The following FAM20B variants were observed in gnomAD, a reference collection of about 807,000 sequenced individuals.
FAM20B encodes the protein FAM20B glycosaminoglycan xylosylkinase, also known as glycosaminoglycan xylosylkinase.
Under a neutral mutation model 43.8 loss-of-function variants are expected in FAM20B, and 23 were observed. That is an observed-to-expected ratio of 0.53 (90% CI 0.38 to 0.74). FAM20B has a LOEUF of 0.74. Among genes scored for constraint, FAM20B ranks in the 30% least tolerant of loss-of-function variants. FAM20B has a pLI of 0.00. For missense variants in FAM20B, 440 were observed against 510.5 expected (o/e 0.86, Z 1.33); for synonymous variants, 178 against 192.4 (o/e 0.93, Z 0.62).
chr1:179,030,834 T>A (rs558070354), intron 1 of FAM20B, among the ~76,000 whole-genome samples: 1 of 149,026 alleles, frequency 6.7e-6, no homozygotes, highest in Non-Finnish European at 1.5e-5. Flanking sequence ...GTAAAATCTA[T>A]CCCATCCTCA....
intron 6 of FAM20B, among the ~76,000 whole-genome samples, chr1:179,066,514 G>A (rs1270307177): frequency 6.6e-6 from 1 of 152,024 alleles, no homozygotes; most frequent in Non-Finnish European, 1.5e-5. Context: ...TGTGAACTCC[G>A]CACTGTGTTT....
At chr1:179,038,067 C>T (rs550655519) in intron 1 of FAM20B, among the ~76,000 whole-genome samples, 83 of 151,840 alleles carry the variant, frequency 5.5e-4, no homozygotes, top group Non-Finnish European at 7.5e-4. Context: ...TTATATAGCA[C>T]GAGGGGGAGG....
intron 1 of FAM20B, among the ~76,000 whole-genome samples, chr1:179,029,933 T>C (rs1225044603): frequency 6.6e-6 from 1 of 152,224 alleles, no homozygotes; most frequent in Non-Finnish European, 1.5e-5. Flanking sequence ...TATGAGATGA[T>C]CGAAAAATGT....
chr1:179,017,564 T>A, the FAM20B span, among the ~76,000 whole-genome samples: 1 of 152,262 alleles, frequency 6.6e-6, no homozygotes, highest in Non-Finnish European at 1.5e-5. Context: ...ATTTTCCTTG[T>A]AAGTTTCTCC....
intron 1 of FAM20B, among the ~76,000 whole-genome samples, chr1:179,038,203 GT>G (rs754463884): frequency 6.6e-5 from 10 of 152,092 alleles, no homozygotes; most frequent in Non-Finnish European, 1.5e-4. Context: ...GAGGTCAGGA[GT>G]TCAAGACCAG....
chr1:179,045,833 G>A (rs1178108960), intron 2 of FAM20B, among the ~76,000 whole-genome samples: 4 of 151,516 alleles, frequency 2.6e-5, no homozygotes, highest in African/African-American at 9.7e-5. Context: ...GTTTGAGGCC[G>A]CAGCAAGCCA....
At position 179,074,786 on chromosome 1, in the gene FAM20B, C is replaced by T. The variant is rs1036221848; in HGVS notation, c.*2642C>T. The T allele has an allele frequency of 1.3e-5, 2 of 152,140 alleles. 1 individual carries two copies. Among genetic ancestry groups the T allele is most frequent in the Non-Finnish European group, 2.9e-5 (2 of 68,038 alleles). The allele number at this position is 152,140 out of a possible 1,614,324, so 9.4% of individuals were successfully genotyped here. A position where few individuals can be genotyped will look rare whatever the true frequency, so the allele number is the denominator to read the frequency against. The stretch of plus-strand genomic sequence containing the variant: ...AAAAATATAAATTTTTGTTGTAAGT[C>T]AGGATTGGAGTAAGCTGGAAAAGTA... On this transcript the variant is annotated 3_prime_UTR_variant, in exon 8 of 8. Transcript: ENST00000263733.
chr1:179,026,051 C>A lies in FAM20B; in HGVS notation c.-181C>A. 7.0e-6 allele frequency: 1 copy of A among 143,290 alleles called. No individual in the cohort carries two copies. The highest frequency in any genetic ancestry group is 2.0e-4 in the South Asian group (1 of 4,950). The allele number at this position is 143,290 out of a possible 1,614,324, so 8.9% of individuals were successfully genotyped here. A position where few individuals can be genotyped will look rare whatever the true frequency, so the allele number is the denominator to read the frequency against. On this transcript the variant is annotated 5_prime_UTR_variant, in exon 1 of 8. Coordinates refer to ENST00000263733, the MANE Select transcript of FAM20B (RefSeq NM_014864.4). ...GCGGCGGGGGCGGCCGGGGCCGCGC[C>A]GCACCGCACCGCGCGGGCGGCCATG... is the stretch of plus-strand genomic sequence containing the variant.
intron 7 of FAM20B, among the ~76,000 whole-genome samples, chr1:179,071,208 A>G (rs562981386): frequency 6.6e-6 from 1 of 152,066 alleles, no homozygotes; most frequent in Admixed American, 6.5e-5. Flanking sequence ...AGGCAGGAGA[A>G]TGGCGTGAAC....
chr1:179,035,669 G>A (rs1263418527), intron 1 of FAM20B: 4 of 382,184 alleles, frequency 1.0e-5, no homozygotes, highest in East Asian at 5.6e-5. Flanking sequence ...GGCATGGACC[G>A]GAGAGGAGAT....
chr1:179,045,191 G>A (rs1037586070), intron 2 of FAM20B, among the ~76,000 whole-genome samples: 4 of 152,168 alleles, frequency 2.6e-5, no homozygotes, highest in African/African-American at 9.7e-5. Flanking sequence ...ACAGCTTGGA[G>A]GGTATAGTTA....
At chr1:179,070,287 CT>C (rs1453200598) in intron 7 of FAM20B, among the ~76,000 whole-genome samples, 9 of 152,040 alleles carry the variant, frequency 5.9e-5, no homozygotes, top group Non-Finnish European at 1.2e-4. Context: ...CTCAAGTGAT[CT>C]GACCCCTTGG....
At chr1:179,053,218 A>G (rs1211574650) in intron 3 of FAM20B, among the ~76,000 whole-genome samples, 2 of 152,186 alleles carry the variant, frequency 1.3e-5, no homozygotes, top group Non-Finnish European at 2.9e-5. Context: ...CAAGTGCCAC[A>G]GTAACATTGC....
Position 179,072,557 on chromosome 1 carries a change from CTT to C in FAM20B, c.*424_*425del, listed in dbSNP as rs11299711. On this transcript the variant is annotated 3_prime_UTR_variant, in exon 8 of 8. Transcript: ENST00000263733. ...TGGAAACACTTTGCAATCTCTTTGT[CTT>C]TTTTTTTTTTACCAGAACTAGTTAC... 1,886 of 161,044 alleles carry C rather than the reference CTT, an allele frequency of 0.012. 9 individuals carry two copies. Among genetic ancestry groups the C allele is most frequent in the African/African-American group, 0.021 (864 of 41,142 alleles). 10.0% of individuals were successfully genotyped at this position (161,044 alleles called of 1,614,324 possible).
intron 1 of FAM20B, among the ~76,000 whole-genome samples, chr1:179,029,495 T>C (rs1490262084): frequency 6.6e-6 from 1 of 152,214 alleles, no homozygotes; most frequent in African/African-American, 2.4e-5. Context: ...GCTTGGGATG[T>C]AAAGAATCTA....
intron 7 of FAM20B, among the ~76,000 whole-genome samples, chr1:179,070,515 CTTTTTTTTT>C (rs61169246): frequency 3.5e-5 from 2 of 57,754 alleles, no homozygotes; most frequent in African/African-American, 1.9e-4. Flanking sequence ...CTGAACTCGC[CTTTTTTTTT>C]TTTTTTTTTT....
chr1:179,043,460 C>T (rs2102497191), intron 1 of FAM20B, among the ~76,000 whole-genome samples: 1 of 152,072 alleles, frequency 6.6e-6, no homozygotes, highest in African/African-American at 2.4e-5. Context: ...CAGCTCCTTC[C>T]AGCTCCGTGG....
intron 1 of FAM20B, among the ~76,000 whole-genome samples, chr1:179,031,242 A>G (rs1649995747): frequency 6.6e-6 from 1 of 152,232 alleles, no homozygotes; most frequent in Non-Finnish European, 1.5e-5. Flanking sequence ...GTGGTTCTGT[A>G]CTGACAGTTG....
intron 1 of FAM20B, among the ~76,000 whole-genome samples, chr1:179,027,117 C>T (rs761413360): frequency 5.3e-5 from 8 of 152,174 alleles, no homozygotes; most frequent in Non-Finnish European, 1.2e-4. Context: ...TTTGATTTCT[C>T]ACTTGGAAGG....
Sources: allele counts gnomAD v4.1 joint callset (sites outside exome capture counted in the v4.1 genomes callset), GRCh38; gene constraint gnomAD v4.1.1; transcripts MANE v1.5; gene names NCBI Gene and HGNC (gene_info 2026-07-23, HGNC 2026-07-21).